Variants in CLSTN1 observed in about 807,000 individuals in gnomAD.
The protein encoded by CLSTN1 is calsyntenin-1.
CLSTN1 carries 28 observed loss-of-function variants against 108.3 expected under a neutral mutation model. That is an observed-to-expected ratio of 0.26 (90% CI 0.19 to 0.35). CLSTN1 has a LOEUF of 0.35. Ranked by LOEUF, CLSTN1 falls within the 10% of genes least tolerant of loss-of-function variation. The probability of loss-of-function intolerance (pLI) is 1.00; values close to 1 mark genes in which losing one functional copy is unlikely to be tolerated. For synonymous variants in CLSTN1, 524 were observed against 534.9 expected, an observed-to-expected ratio of 0.98 and a Z score of 0.28; for missense variants, 1,157 against 1,302.6, an observed-to-expected ratio of 0.89 and a Z score of 1.72.
intron 1 of CLSTN1, among the ~76,000 whole-genome samples, chr1:9,817,737 G>A (rs1024255220): frequency 6.6e-6 from 1 of 152,116 alleles, no homozygotes; most frequent in Non-Finnish European, 1.5e-5. Context: ...AACAGATCTT[G>A]TGAAAATTTT....
chr1:9,768,455 TTC>T (rs1407198739), intron 2 of CLSTN1, among the ~76,000 whole-genome samples: 1 of 90,084 alleles, frequency 1.1e-5, no homozygotes, highest in Non-Finnish European at 2.3e-5. Context: ...GGGGGCGGGG[TTC>T]TGTGTTGAGC....
At chr1:9,816,065 T>C (rs979374765) in intron 1 of CLSTN1, among the ~76,000 whole-genome samples, 5 of 152,224 alleles carry the variant, frequency 3.3e-5, no homozygotes, top group African/African-American at 7.2e-5. Flanking sequence ...AAAATGTTCA[T>C]AGTAATATTT....
At chr1:9,765,098 T>A (rs1269458618) in intron 2 of CLSTN1, among the ~76,000 whole-genome samples, 1 of 152,014 alleles carries the variant, frequency 6.6e-6, no homozygotes, top group Non-Finnish European at 1.5e-5. Flanking sequence ...TTTCAACATT[T>A]AAAAAAATTG....
Position 9,743,968 on chromosome 1 carries a change from C to T in CLSTN1, c.1272G>A (p.Gly424=). 2 of 1,614,184 alleles carry T rather than the reference C, an allele frequency of 1.2e-6. No homozygotes were observed. Among genetic ancestry groups the T allele is most frequent in the Non-Finnish European group, 8.5e-7 (1 of 1,180,026 alleles). The change falls in exon 9 of 19, where the codon GGG becomes GGA. Residue 424 remains glycine, a synonymous_variant. Coordinates refer to ENST00000377298, the MANE Select transcript of CLSTN1 (RefSeq NM_001009566.3). ...GACGGAAGAGGAAGATCAGCCGGCA[C>T]CCGTGGACATAGAGGGAGTAGTGGT... ...NRHHYSLYVH[G]CRLIFLFRQD...
intron 5 of CLSTN1, among the ~76,000 whole-genome samples, 181 bp downstream of exon 5, chr1:9,751,291 GT>G (rs772314722): frequency 2.0e-5 from 3 of 152,108 alleles, no homozygotes; most frequent in Non-Finnish European, 4.4e-5. Context: ...CAGAGAAGAA[GT>G]TGTCAGGGAA....
chr1:9,765,710 CCTCT>C (rs994293214), intron 2 of CLSTN1, among the ~76,000 whole-genome samples: 25 of 151,808 alleles, frequency 1.6e-4, no homozygotes, highest in African/African-American at 5.8e-4. Flanking sequence ...CGGAACCCTC[CCTCT>C]ACTAAAAATA....
chr1:9,737,684 C>T, intron 10 of CLSTN1, 130 bp from the exon 11 acceptor site: 2 of 771,000 alleles, frequency 2.6e-6, no homozygotes, highest in Non-Finnish European at 4.4e-6. Flanking sequence ...TGATCCCGCT[C>T]TGGGATGTAC....
At chr1:9,772,031 C>T (rs1403596307) in intron 2 of CLSTN1, among the ~76,000 whole-genome samples, 2 of 149,544 alleles carry the variant, frequency 1.3e-5, no homozygotes, top group African/African-American at 4.9e-5. Context: ...GGCTGGAGTG[C>T]AGTGGCGCGA....
intron 1 of CLSTN1, among the ~76,000 whole-genome samples, chr1:9,808,195 T>G (rs1194515457): frequency 2.0e-5 from 3 of 152,198 alleles, no homozygotes; most frequent in African/African-American, 7.2e-5. Context: ...GCTTCCCATA[T>G]GCGGGTGTCA....
At chr1:9,769,114 A>AGAGAGAGGAAGGAAATGAGAGG (rs1174037311) in intron 2 of CLSTN1, among the ~76,000 whole-genome samples, 4 of 133,402 alleles carry the variant, frequency 3.0e-5, no homozygotes, top group Non-Finnish European at 6.3e-5. Context: ...AGGGAAGGAG[A>AGAGAGAGGAAGGAAATGAGAGG]GAGAGAGGAA....
intron 1 of CLSTN1, among the ~76,000 whole-genome samples, chr1:9,800,538 T>C (rs1570509753): frequency 7.9e-6 from 1 of 126,014 alleles, no homozygotes; most frequent in Non-Finnish European, 1.6e-5. Context: ...GCTAATACAG[T>C]GAAACCCCGT....
chr1:9,730,443 G>A lies in CLSTN1; in HGVS notation c.*65C>T. On this transcript the variant is annotated 3_prime_UTR_variant, in exon 19 of 19. Transcript: ENST00000377298. The surrounding 1 kb of genome is among the most constrained non-coding windows in gnomAD (Gnocchi z 5.6). ...TGACTTTGTACATCGTGGACCCTTGGGACTGGGAGAACGGATGGCAGCAGA... is the reference window on the plus strand; with the variant it reads ...TGACTTTGTACATCGTGGACCCTTGAGACTGGGAGAACGGATGGCAGCAGA... 2 of 1,466,180 alleles carry A rather than the reference G, an allele frequency of 1.4e-6. No homozygotes were observed. Among genetic ancestry groups the A allele is most frequent in the Non-Finnish European group, 1.9e-6 (2 of 1,060,608 alleles). The allele number at this position is 1,466,180 out of a possible 1,614,324, so 90.8% of individuals were successfully genotyped here.
chr1:9,767,911 T>G (rs191220359), intron 2 of CLSTN1, among the ~76,000 whole-genome samples: 67 of 152,260 alleles, frequency 4.4e-4, no homozygotes, highest in African/African-American at 1.5e-3. Flanking sequence ...ATACTGTAGG[T>G]GGTAATTACT....
At chr1:9,811,276 T>G (rs898780266) in intron 1 of CLSTN1, among the ~76,000 whole-genome samples, 3 of 152,178 alleles carry the variant, frequency 2.0e-5, no homozygotes, top group Non-Finnish European at 4.4e-5. Flanking sequence ...TCAGATTTCA[T>G]ATAAAAAAGC....
At chr1:9,779,891 C>T (rs1465040752) in intron 1 of CLSTN1, among the ~76,000 whole-genome samples, 1 of 151,894 alleles carries the variant, frequency 6.6e-6, no homozygotes, top group African/African-American at 2.4e-5. Context: ...CTCTGTGGTC[C>T]AGGCTGAAGT....
At chr1:9,753,508 T>G (rs1406187048) in intron 4 of CLSTN1, among the ~76,000 whole-genome samples, 1 of 151,948 alleles carries the variant, frequency 6.6e-6, no homozygotes, top group Admixed American at 6.6e-5. Context: ...TTTTTTTTTT[T>G]GAGACGGAGT....
intron 1 of CLSTN1, among the ~76,000 whole-genome samples, chr1:9,787,232 G>C (rs74051984): frequency 8.0e-5 from 12 of 150,890 alleles, no homozygotes; most frequent in Non-Finnish European, 1.2e-4. Context: ...CGTCTTTCTC[G>C]AGGCCCAGGT....
rs775035587 is a variant in CLSTN1 at position 9,773,262 on chromosome 1, C to G, written c.214+10G>C. The G allele has an allele frequency of 6.2e-7, 1 of 1,613,782 alleles. No individual in the cohort carries two copies. The highest frequency in any genetic ancestry group is 1.7e-5 in the Admixed American group (1 of 59,966). Reference sequence around the variant, plus strand: ...GATTCATCAAGAGTCAATGAAAGCCCCGTTCCTACCTGCAAATCGCAGAGG... The same window carrying G: ...GATTCATCAAGAGTCAATGAAAGCCGCGTTCCTACCTGCAAATCGCAGAGG... On this transcript the variant is annotated intron_variant, in intron 2 of 18. Transcript: ENST00000377298.
rs1570426037 is a variant in CLSTN1, at chr1:9,730,185, G to A, written c.*323C>T. Reference sequence around the variant, plus strand: ...GAGCCCAGCTGGCATGGCTTTTCTGGAGTGCGAGGGGCCAGTGTCCTCTCC... The same window carrying A: ...GAGCCCAGCTGGCATGGCTTTTCTGAAGTGCGAGGGGCCAGTGTCCTCTCC... On this transcript the variant is annotated 3_prime_UTR_variant, in exon 19 of 19. Transcript: ENST00000377298. This position sits in a 1 kb window ranked among gnomAD's most constrained non-coding sequence, Gnocchi z 5.6. The A allele has an allele frequency of 5.1e-6, 2 of 394,404 alleles. No individual in the cohort carries two copies. The highest frequency in any genetic ancestry group is 9.3e-6 in the Non-Finnish European group (2 of 214,424). The allele number at this position is 394,404 out of a possible 1,614,324, so 24.4% of individuals were successfully genotyped here.
Sources: allele counts gnomAD v4.1 joint callset (sites outside exome capture counted in the v4.1 genomes callset), GRCh38; gene constraint gnomAD v4.1.1; non-coding constraint Gnocchi (gnomAD v3.1); transcripts MANE v1.5; gene names NCBI Gene and HGNC (gene_info 2026-07-23, HGNC 2026-07-21).